The following ZNF718 variants were observed in gnomAD, a reference collection of about 807,000 sequenced individuals.
ZNF718 encodes the protein zinc finger protein 718.
In ZNF718, 3 loss-of-function variants were observed where a neutral mutation model predicts 2.6. That is an observed-to-expected ratio of 1.16 (90% CI 0.53 to 3.01). The LOEUF is 3.01. Among genes scored for constraint, ZNF718 ranks in the 30% most tolerant of loss-of-function variants. The pLI, the probability that ZNF718 is intolerant of heterozygous loss-of-function variation, is 0.03. For missense variants in ZNF718, 468 were observed against 230.0 expected, an observed-to-expected ratio of 2.03 and a Z score of -6.69; for synonymous variants, 135 against 77.9, an observed-to-expected ratio of 1.73 and a Z score of -3.86.
At chr4:139,269 C>T (rs1374165408) in intron 3 of ZNF718, among the ~76,000 whole-genome samples, 4 of 152,134 alleles carry the variant, frequency 2.6e-5, no homozygotes, top group Non-Finnish European at 5.9e-5. Flanking sequence ...TTAGATTTGT[C>T]TCTAATCCGT....
In ZNF718 at chr4:171,711, G is replaced by A. The variant is rs571783474; in HGVS notation, c.227-29370G>A. Reference sequence around the variant, plus strand: ...ATTGGAAAAGCGTAGTATTAGGGTGGGAATGACCCAATTTTCCAGGTGCCG... The same window carrying A: ...ATTGGAAAAGCGTAGTATTAGGGTGAGAATGACCCAATTTTCCAGGTGCCG... On this transcript the variant is annotated intron_variant and NMD_transcript_variant, in intron 3 of 4. Transcript: ENST00000642529. 5.3e-5 allele frequency among the ~76,000 whole-genome samples: 8 copies of A among 152,286 alleles called. No individual in the cohort carries two copies. The South Asian group carries it at 1.7e-3, about 32-fold the overall frequency.
At chr4:138,975 C>T (rs141309983) in intron 3 of ZNF718, among the ~76,000 whole-genome samples, 4 of 152,196 alleles carry the variant, frequency 2.6e-5, no homozygotes, top group Non-Finnish European at 4.4e-5. Flanking sequence ...GCTTATTTAT[C>T]ATCAGATTTT....
intron 3 of ZNF718, among the ~76,000 whole-genome samples, chr4:159,705 ATG>A (rs2108801912): frequency 6.6e-6 from 1 of 151,788 alleles, no homozygotes; most frequent in Admixed American, 6.6e-5. Context: ...TAAATTGTAT[ATG>A]TTTCTATTTC....
chr4:154,277 C>T (rs1553813181), intron 3 of ZNF718, among the ~76,000 whole-genome samples: 1 of 152,126 alleles, frequency 6.6e-6, no homozygotes, highest in African/African-American at 2.4e-5. Flanking sequence ...TGAAAATGGA[C>T]TTCTGCAGTA....
At chr4:186,897 A>G (rs150306325) in intron 3 of ZNF718, among the ~76,000 whole-genome samples, 8 of 152,202 alleles carry the variant, frequency 5.3e-5, no homozygotes, top group Non-Finnish European at 5.9e-5. Context: ...CCTGAAGCCT[A>G]CTTCTATCAT....
In ZNF718 at chr4:162,585, G is replaced by A. The variant is rs139110750; in HGVS notation, c.*463G>A. ...AAATACAGGTCTTAAAAGTGAAGAA[G>A]AGTATTCTGAAGATAGACAATAGAA... On this transcript the variant is annotated 3_prime_UTR_variant, in exon 4 of 4. Coordinates refer to ENST00000510175, the MANE Select transcript of ZNF718 (RefSeq NM_001039127.6). The A allele has an allele frequency of 3.0e-3, 465 of 153,742 alleles. 1 individual carries two copies. Among genetic ancestry groups the A allele is most frequent in the Middle Eastern group, 6.8e-3 (2 of 294 alleles). The allele number at this position is 153,742 out of a possible 1,614,324, so 9.5% of individuals were successfully genotyped here.
At chr4:200,461 G>T (rs782001334) in intron 3 of ZNF718, among the ~76,000 whole-genome samples, 21 of 152,084 alleles carry the variant, frequency 1.4e-4, no homozygotes, top group Non-Finnish European at 2.8e-4. Context: ...TAGAGACAGG[G>T]TTTCACCATG....
At chr4:150,929 T>C (rs1716289296) in intron 3 of ZNF718, among the ~76,000 whole-genome samples, 1 of 152,154 alleles carries the variant, frequency 6.6e-6, no homozygotes. Flanking sequence ...CATTTTATTG[T>C]CTAGGTGATG....
chr4:193,275 C>T (rs539242412), intron 3 of ZNF718, among the ~76,000 whole-genome samples: 55 of 152,140 alleles, frequency 3.6e-4, no homozygotes, highest in African/African-American at 1.2e-3. Flanking sequence ...CTGGTGACCC[C>T]GGCAGTGTTA....
At chr4:189,795 A>G (rs1307783322) in intron 3 of ZNF718, among the ~76,000 whole-genome samples, 1 of 152,178 alleles carries the variant, frequency 6.6e-6, no homozygotes, top group Non-Finnish European at 1.5e-5. Flanking sequence ...TAGAAGTTCC[A>G]TTCTAGTAGT....
chr4:187,635 G>C (rs562438700), intron 3 of ZNF718, among the ~76,000 whole-genome samples: 1 of 152,196 alleles, frequency 6.6e-6, no homozygotes, highest in Non-Finnish European at 1.5e-5. Context: ...ATCCCAGGGG[G>C]TACTGACCTG....
intron 3 of ZNF718, among the ~76,000 whole-genome samples, chr4:158,198 C>T (rs1553814075): frequency 6.6e-6 from 1 of 152,026 alleles, no homozygotes; most frequent in Non-Finnish European, 1.5e-5. Flanking sequence ...ATTTTGACCT[C>T]TTATTTGGTT....
rs960059197 is a variant in ZNF718 at position 199,718 on chromosome 4, A to G, written c.227-1363A>G. Among the ~76,000 whole-genome samples the G allele has an allele frequency of 2.0e-5, 3 of 152,280 alleles. No homozygotes were observed. The South Asian group carries it at 6.2e-4, about 32-fold the overall frequency. On this transcript the variant is annotated intron_variant and NMD_transcript_variant, in intron 3 of 4. Transcript: ENST00000642529. ...GGCTGATGCAGGATAAAAGGCTTTC[A>G]TTTGGCTCAGTGACTTGCTGGGTTT... is the stretch of plus-strand genomic sequence containing the variant.
intron 3 of ZNF718, among the ~76,000 whole-genome samples, chr4:181,060 C>T (rs1717453246): frequency 6.6e-6 from 1 of 151,548 alleles, no homozygotes; most frequent in African/African-American, 2.4e-5. Flanking sequence ...GGGTCTCTGT[C>T]ACCCAGTCTG....
chr4:141,181 G>A (rs1440068158), intron 3 of ZNF718, among the ~76,000 whole-genome samples: 2 of 150,494 alleles, frequency 1.3e-5, no homozygotes, highest in Non-Finnish European at 1.5e-5. Context: ...TGTTATTCAT[G>A]AAAAAAAAAG....
chr4:172,773 A>T (rs1245917965), intron 3 of ZNF718, among the ~76,000 whole-genome samples: 1 of 151,796 alleles, frequency 6.6e-6, no homozygotes, highest in African/African-American at 2.4e-5. Context: ...AACATGATAC[A>T]TGCCAGGTGT....
Position 124,582 on chromosome 4 carries a change from C to G in ZNF718, c.-89C>G. ...GCTCCTTAGGGAAGCCTCGGTGATT[C>G]TGCCACAGCCTCAGCCTCTGTGGCT... is the stretch of plus-strand genomic sequence containing the variant. On this transcript the variant is annotated 5_prime_UTR_variant, in exon 1 of 4. Transcript: ENST00000510175. 1 of 1,561,600 alleles carries G rather than the reference C, an allele frequency of 6.4e-7. No homozygotes were observed. Among genetic ancestry groups the G allele is most frequent in the Non-Finnish European group, 8.7e-7 (1 of 1,145,518 alleles).
rs1466202884 is a variant in ZNF718 at position 130,669 on chromosome 4, G to A, written c.4-119G>A. On this transcript the variant is annotated intron_variant, in intron 1 of 3. Coordinates refer to ENST00000510175, the MANE Select transcript of ZNF718 (RefSeq NM_001039127.6). ...AGGCAGGAGAATCACTTGAGCCTGG[G>A]AGGTGAAGTTTGCAGTGAGCTGAGA... is the stretch of plus-strand genomic sequence containing the variant. The A allele has an allele frequency of 6.5e-5, 11 of 169,864 alleles. 2 individuals carry two copies. The highest frequency in any genetic ancestry group is 3.5e-4 in the African/African-American group (11 of 31,450). The allele number at this position is 169,864 out of a possible 1,614,324, so 10.5% of individuals were successfully genotyped here. A position where few individuals can be genotyped will look rare whatever the true frequency, so the allele number is the denominator to read the frequency against.
intron 3 of ZNF718, among the ~76,000 whole-genome samples, chr4:188,902 A>G (rs1378203392): frequency 3.3e-5 from 5 of 152,030 alleles, no homozygotes; most frequent in African/African-American, 1.2e-4. Context: ...ACATTTTAGT[A>G]AGAACTGATA....
Sources: gnomAD v4.1 joint callset for allele counts (sites outside exome capture counted in the v4.1 genomes callset) on GRCh38, gnomAD v4.1.1 for gene constraint, MANE v1.5 for transcripts, NCBI Gene and HGNC (gene_info 2026-07-23, HGNC 2026-07-21) for gene names.